Variants in GPR149 observed in about 807,000 individuals in gnomAD.
GPR149 encodes the protein G protein-coupled receptor 149, also known as probable G protein-coupled receptor 149.
Under a neutral mutation model 50.2 loss-of-function variants are expected in GPR149, and 50 were observed. The observed-to-expected ratio is 1.00, with a 90% confidence interval of 0.79 to 1.26. The LOEUF is 1.26. Among genes scored for constraint, GPR149 ranks in the 50% most tolerant of loss-of-function variants. The pLI, the probability that GPR149 is intolerant of heterozygous loss-of-function variation, is 0.00. For missense variants in GPR149, 983 were observed against 895.4 expected (o/e 1.10, Z -1.25); for synonymous variants, 405 against 358.2 (o/e 1.13, Z -1.48).
intron 3 of GPR149, among the ~76,000 whole-genome samples, chr3:154,388,015 G>A (rs557791735): frequency 6.6e-6 from 1 of 152,072 alleles, no homozygotes; most frequent in East Asian, 1.9e-4. Flanking sequence ...TCAATGTGCA[G>A]AGATATTTAA....
At chr3:154,413,163 C>G (rs1412071248) in intron 3 of GPR149, among the ~76,000 whole-genome samples, 2 of 151,894 alleles carry the variant, frequency 1.3e-5, no homozygotes, top group African/African-American at 4.8e-5. Flanking sequence ...CAAGATGGAT[C>G]AAGACTTAAA....
intron 3 of GPR149, among the ~76,000 whole-genome samples, chr3:154,359,292 A>G (rs764321011): frequency 6.6e-5 from 10 of 152,220 alleles, no homozygotes; most frequent in Non-Finnish European, 1.2e-4. Flanking sequence ...TACATTTTCC[A>G]TATGTCTCTT....
chr3:154,356,171 A>G (rs1714218898), intron 3 of GPR149, among the ~76,000 whole-genome samples: 1 of 152,174 alleles, frequency 6.6e-6, no homozygotes, highest in African/African-American at 2.4e-5. Flanking sequence ...GAAATCATTC[A>G]CTTGCTCACT....
At chr3:154,379,380 C>G (rs1714865362) in intron 3 of GPR149, among the ~76,000 whole-genome samples, 1 of 150,282 alleles carries the variant, frequency 6.7e-6, no homozygotes, top group South Asian at 2.1e-4. Flanking sequence ...TGTTTACTTT[C>G]TTTTATAAAT....
At chr3:154,346,606 C>CTTT (rs531660881) in intron 3 of GPR149, among the ~76,000 whole-genome samples, 3 of 143,864 alleles carry the variant, frequency 2.1e-5, no homozygotes, top group African/African-American at 7.7e-5. Flanking sequence ...TTTTCTTTTT[C>CTTT]TTTTTTTTTT....
intron 1 of GPR149, 148 bp downstream of exon 1, chr3:154,428,487 T>C: frequency 3.5e-6 from 3 of 863,546 alleles, no homozygotes; most frequent in Non-Finnish European, 1.8e-6. Flanking sequence ...TTCTTCTAAG[T>C]GCATGTCTAA....
At chr3:154,377,993 C>T (rs1310295184) in intron 3 of GPR149, among the ~76,000 whole-genome samples, 1 of 151,646 alleles carries the variant, frequency 6.6e-6, no homozygotes, top group Non-Finnish European at 1.5e-5. Context: ...ACTTTGCATA[C>T]TGTTTTTGAA....
At chr3:154,352,769 T>TAAC (rs1714112215) in intron 3 of GPR149, 2 of 801,992 alleles carry the variant, frequency 2.5e-6, no homozygotes, top group African/African-American at 3.4e-5. Context: ...CTTTTAGATT[T>TAAC]AACTAAATCC....
intron 3 of GPR149, among the ~76,000 whole-genome samples, chr3:154,399,159 C>T (rs1024926684): frequency 6.6e-6 from 1 of 152,014 alleles, no homozygotes; most frequent in Non-Finnish European, 1.5e-5. Context: ...TAAGTTTTAA[C>T]GTCTGGAGGA....
At chr3:154,374,089 G>A (rs1323094852) in intron 3 of GPR149, among the ~76,000 whole-genome samples, 1 of 151,792 alleles carries the variant, frequency 6.6e-6, no homozygotes, top group Non-Finnish European at 1.5e-5. Flanking sequence ...TGAGCTGTTC[G>A]AGAGCTCAAT....
chr3:154,385,466 G>A (rs1227533932), intron 3 of GPR149, among the ~76,000 whole-genome samples: 1 of 152,144 alleles, frequency 6.6e-6, no homozygotes, highest in Non-Finnish European at 1.5e-5. Context: ...GTCTTCTGGG[G>A]AGTGAGCAGG....
chr3:154,376,188 A>T (rs1427811491), intron 3 of GPR149, among the ~76,000 whole-genome samples: 1 of 150,984 alleles, frequency 6.6e-6, no homozygotes. Context: ...TACAAAATGT[A>T]TACAATGTAT....
At chr3:154,359,432 G>C (rs1210255650) in intron 3 of GPR149, among the ~76,000 whole-genome samples, 1 of 152,146 alleles carries the variant, frequency 6.6e-6, no homozygotes, top group Non-Finnish European at 1.5e-5. Flanking sequence ...ACAGAAGAAA[G>C]GGTACCAGAG....
At chr3:154,373,017 T>A (rs1057436030) in intron 3 of GPR149, among the ~76,000 whole-genome samples, 2 of 152,140 alleles carry the variant, frequency 1.3e-5, no homozygotes, top group African/African-American at 4.8e-5. Flanking sequence ...TAGGGCATGG[T>A]GCTCAGGAGA....
chr3:154,348,651 T>C (rs1303412762), intron 3 of GPR149, among the ~76,000 whole-genome samples: 1 of 152,142 alleles, frequency 6.6e-6, no homozygotes, highest in Admixed American at 6.5e-5. Flanking sequence ...AATTTACAAA[T>C]ACTGTTGGAG....
intron 3 of GPR149, among the ~76,000 whole-genome samples, chr3:154,376,631 ATGTTT>A (rs1322768860): frequency 6.6e-6 from 1 of 152,240 alleles, no homozygotes; most frequent in Non-Finnish European, 1.5e-5. Context: ...CACATATTTC[ATGTTT>A]TGTCTTAGAG....
At chr3:154,347,331 G>T (rs1404785942) in intron 3 of GPR149, among the ~76,000 whole-genome samples, 1 of 152,184 alleles carries the variant, frequency 6.6e-6, no homozygotes, top group Non-Finnish European at 1.5e-5. Flanking sequence ...GACGGAAGAG[G>T]ACACAAGCAC....
rs114102311 is a variant in GPR149, at chr3:154,364,667, G to T, written c.1624-26396C>A. On this transcript the variant is annotated intron_variant, in intron 3 of 3. Coordinates refer to ENST00000389740, the MANE Select transcript of GPR149 (RefSeq NM_001038705.3). ...TCCAAAACCTAAAAGGGAAAACAACGTTGAATATCAAGTCTTGAGAATAAT... is the reference window on the plus strand; with the variant it reads ...TCCAAAACCTAAAAGGGAAAACAACTTTGAATATCAAGTCTTGAGAATAAT... Among the ~76,000 whole-genome samples the T allele has an allele frequency of 5.9e-5, 9 of 152,338 alleles. No homozygotes were observed. In the East Asian group the frequency reaches 1.2e-3, roughly 20 times the overall value.
At position 154,429,718 on chromosome 3, in the gene GPR149, C is replaced by A; in HGVS notation, c.-103G>T. 3 of 1,026,164 alleles carry A rather than the reference C, an allele frequency of 2.9e-6. No homozygotes were observed. The highest frequency in any genetic ancestry group is 4.4e-6 in the Non-Finnish European group (3 of 687,922). The allele number at this position is 1,026,164 out of a possible 1,614,324, so 63.6% of individuals were successfully genotyped here. ...CAGATTTCATTCCTCCTACCAAGTT[C>A]CCCTCTAGATGTTCTCCTTGTCAGT... is the stretch of plus-strand genomic sequence containing the variant. On this transcript the variant is annotated 5_prime_UTR_variant, in exon 1 of 4. Transcript: ENST00000389740.
Sources: gnomAD v4.1 joint callset for allele counts (sites outside exome capture counted in the v4.1 genomes callset) on GRCh38, gnomAD v4.1.1 for gene constraint, MANE v1.5 for transcripts, NCBI Gene and HGNC (gene_info 2026-07-23, HGNC 2026-07-21) for gene names.